Variants in DEFB112 observed in about 807,000 individuals in gnomAD.
DEFB112 encodes the protein defensin beta 112.
Under a neutral mutation model 1.1 loss-of-function variants are expected in DEFB112, and 2 were observed. That is an observed-to-expected ratio of 1.85 (90% confidence interval 0.76 to 5.83). The LOEUF is 5.83. Among genes scored for constraint, DEFB112 ranks in the 30% most tolerant of loss-of-function variants. The probability of loss-of-function intolerance (pLI) is 0.05; values close to 1 mark genes in which losing one functional copy is unlikely to be tolerated. For synonymous variants in DEFB112, 40 were observed against 31.2 expected, an observed-to-expected ratio of 1.28 and a Z score of -0.93; for missense variants, 120 against 94.4, an observed-to-expected ratio of 1.27 and a Z score of -1.12.
At chr6:50,048,536 C>A (rs1412574225) in intron 1 of DEFB112, 1 of 1,609,530 alleles carries the variant, frequency 6.2e-7, no homozygotes, top group South Asian at 1.1e-5. Context: ...TTTTGTTTTA[C>A]CTGTGCTGAT....
rs148121698 is a variant in DEFB112, at chr6:50,043,718, C to T, written c.142G>A (p.Asp48Asn). ...CAGTATGAAATCCTAAATTCACTAT[C>T]ATCACATTGATTTTTACATCGACCT... The part of the protein sequence containing the change: ...IGGRCKNQCD[D>N]SEFRISYCAR... Residue 48 changes from aspartate to asparagine, a missense_variant, in exon 2 of 2, where the codon GAT becomes AAT. Transcript: ENST00000651554. The T allele has an allele frequency of 1.2e-6, 2 of 1,613,348 alleles. No homozygotes were observed. Among genetic ancestry groups the T allele is most frequent in the African/African-American group, 2.7e-5 (2 of 74,878 alleles).
chr6:50,044,607 T>C (rs1037035948), intron 1 of DEFB112, among the ~76,000 whole-genome samples: 3 of 152,250 alleles, frequency 2.0e-5, no homozygotes, highest in South Asian at 2.1e-4. Flanking sequence ...GTTGCAGATA[T>C]TCATTTATTC....
rs1400239751 is a variant in DEFB112, at chr6:50,047,869, G to C, written c.58+1943C>G. Among the ~76,000 whole-genome samples, 3 of 152,144 alleles carry C rather than the reference G, an allele frequency of 2.0e-5. No homozygotes were observed. In the East Asian group the frequency reaches 5.8e-4, roughly 29 times the overall value. On this transcript the variant is annotated intron_variant, in intron 1 of 1. Coordinates refer to ENST00000651554, the MANE Select transcript of DEFB112 (RefSeq NM_001369057.2). ...GATAAAAATAGTTTTGCCTTGGCCA[G>C]GCGTGGTGGCTCACACCTGTAATCC...
At position 50,049,799 on chromosome 6, in the gene DEFB112, A is replaced by C. The variant is rs541522912; in HGVS notation, c.58+13T>G. Among the ~76,000 whole-genome samples, 30 of 152,178 alleles carry C rather than the reference A, an allele frequency of 2.0e-4. No homozygotes were observed. In the East Asian group the frequency reaches 5.6e-3, roughly 28 times the overall value. Reference sequence around the variant, plus strand: ...TGGCCCCTTGACCCCTCTAGCAATAATATTCATATTACCTGGTGGAATAAG... The same window carrying C: ...TGGCCCCTTGACCCCTCTAGCAATACTATTCATATTACCTGGTGGAATAAG... On this transcript the variant is annotated intron_variant, in intron 1 of 1. Coordinates refer to ENST00000651554, the MANE Select transcript of DEFB112 (RefSeq NM_001369057.2).
rs1774773586 is a variant in DEFB112, at chr6:50,043,179, C to T, written c.*396G>A. Among the ~76,000 whole-genome samples, 1 of 151,990 alleles carries T rather than the reference C, an allele frequency of 6.6e-6. No homozygotes were observed. Among genetic ancestry groups the T allele is most frequent in the African/African-American group, 2.4e-5 (1 of 41,420 alleles). On this transcript the variant is annotated 3_prime_UTR_variant, in exon 2 of 2. Coordinates refer to ENST00000651554, the MANE Select transcript of DEFB112 (RefSeq NM_001369057.2). ...TCATAATCCTTCAAATTTCTTGCAA[C>T]GATTTTTACTAGTTCAGGGGTCACA...
chr6:50,043,578 A>G lies in DEFB112; in HGVS notation c.282T>C (p.His94=), dbSNP rs201755220. Residue 94 remains histidine (H), a synonymous_variant, in exon 2 of 2, where the codon CAT becomes CAC. Transcript: ENST00000651554. ...ATCTTCTTGTGCATGGATTTCTTCA[A>G]TGACGTGAGTCTTTAGGGTACCATT... ...TQEWYPKDSR[H] The G allele has an allele frequency of 1.9e-6, 3 of 1,611,662 alleles. No individual in the cohort carries two copies. Among genetic ancestry groups the G allele is most frequent in the African/African-American group, 1.3e-5 (1 of 74,958 alleles).
rs1247287387 is a variant in DEFB112, at chr6:50,043,794, A to G, written c.66T>C (p.Ser22=). ...FFGVLIPPAR[S]EGHHITFSRW... ...TACTAAAGGTGATATGGTGCCCTTC[A>G]CTTCTGGCTGAAAGAAGGCAAGAAC... The change falls in exon 2 of 2, where the codon AGT becomes AGC. Residue 22 remains serine, a synonymous_variant. Transcript: ENST00000651554. The G allele has an allele frequency of 6.2e-7, 1 of 1,613,182 alleles. No individual in the cohort carries two copies. The highest frequency in any genetic ancestry group is 8.5e-7 in the Non-Finnish European group (1 of 1,179,368).
In DEFB112 at chr6:50,042,620, T is replaced by A. The variant is rs1021838121; in HGVS notation, c.*955A>T. Among the ~76,000 whole-genome samples, 1 of 151,962 alleles carries A rather than the reference T, an allele frequency of 6.6e-6. No homozygotes were observed. Among genetic ancestry groups the A allele is most frequent in the African/African-American group, 2.4e-5 (1 of 41,404 alleles). On this transcript the variant is annotated 3_prime_UTR_variant, in exon 2 of 2. Coordinates refer to ENST00000651554, the MANE Select transcript of DEFB112 (RefSeq NM_001369057.2). Reference sequence around the variant, plus strand: ...CAAGCCCTGCAAAACCATCACCTATTTTTAGAGTTGATATTTCAAAATGTT... The same window carrying A: ...CAAGCCCTGCAAAACCATCACCTATATTTAGAGTTGATATTTCAAAATGTT...
intron 1 of DEFB112, chr6:50,048,615 C>A (rs1043337458): frequency 6.2e-7 from 1 of 1,613,418 alleles, no homozygotes; most frequent in Non-Finnish European, 8.5e-7. Flanking sequence ...TACATTTTTT[C>A]AAGTTTCAGT....
intron 1 of DEFB112, among the ~76,000 whole-genome samples, chr6:50,046,071 C>T (rs935747936): frequency 1.3e-5 from 2 of 152,008 alleles, no homozygotes; most frequent in Non-Finnish European, 2.9e-5. Context: ...CAATTGTAGG[C>T]TAATGTAAGT....
intron 1 of DEFB112, among the ~76,000 whole-genome samples, chr6:50,044,314 TA>T (rs148732768): frequency 2.6e-5 from 4 of 152,028 alleles, no homozygotes; most frequent in African/African-American, 7.2e-5. Context: ...GAAGTTTTGC[TA>T]AAAAAATAGA....
chr6:50,043,510 A>T lies in DEFB112; in HGVS notation c.*65T>A. ...GCATGCATGGAAATTATAGGTCATTAATGAAGTGATGAAATAATGAGAGGA... is the reference window on the plus strand; with the variant it reads ...GCATGCATGGAAATTATAGGTCATTTATGAAGTGATGAAATAATGAGAGGA... On this transcript the variant is annotated 3_prime_UTR_variant, in exon 2 of 2. Transcript: ENST00000651554. The T allele has an allele frequency of 8.1e-7, 1 of 1,238,622 alleles. No individual in the cohort carries two copies. The highest frequency in any genetic ancestry group is 1.2e-6 in the Non-Finnish European group (1 of 853,916). The allele number at this position is 1,238,622 out of a possible 1,614,324, so 76.7% of individuals were successfully genotyped here.
At chr6:50,048,450 G>A (rs1308068662) in intron 1 of DEFB112, 1 of 1,107,774 alleles carries the variant, frequency 9.0e-7, no homozygotes, top group Non-Finnish European at 1.4e-6. Flanking sequence ...GACTGAGGTA[G>A]AGAATATACT....
chr6:50,045,122 A>G (rs1774810790), intron 1 of DEFB112, among the ~76,000 whole-genome samples: 1 of 152,036 alleles, frequency 6.6e-6, no homozygotes, highest in African/African-American at 2.4e-5. Flanking sequence ...AGTAATAGTA[A>G]TATGAATAAT....
chr6:50,049,594 T>C lies in DEFB112; in HGVS notation c.58+218A>G, dbSNP rs555942792. Among the ~76,000 whole-genome samples the C allele has an allele frequency of 7.2e-5, 11 of 152,298 alleles. 1 individual carries two copies. The South Asian group carries it at 2.3e-3, about 32-fold the overall frequency. On this transcript the variant is annotated intron_variant, in intron 1 of 1. Coordinates refer to ENST00000651554, the MANE Select transcript of DEFB112 (RefSeq NM_001369057.2). ...TTACATATATGCATATATATGAATG[T>C]ATATTTTCATGTAATTAAGGTGAAT...
Position 50,042,682 on chromosome 6 carries a change from T to TAAGACCA in DEFB112, c.*886_*892dup, listed in dbSNP as rs1774764183. Among the ~76,000 whole-genome samples the TAAGACCA allele has an allele frequency of 6.6e-6, 1 of 152,010 alleles. No individual in the cohort carries two copies. Among genetic ancestry groups the TAAGACCA allele is most frequent in the Non-Finnish European group, 1.5e-5 (1 of 67,932 alleles). On this transcript the variant is annotated 3_prime_UTR_variant, in exon 2 of 2. Transcript: ENST00000651554. ...AAAATCTTTAATCTAGGTGAGGTAT[T>TAAGACCA]AAGACCAACTGCTGACCCTTTCCCT...
At chr6:50,047,924 T>C (rs1351355698) in intron 1 of DEFB112, among the ~76,000 whole-genome samples, 1 of 152,094 alleles carries the variant, frequency 6.6e-6, no homozygotes, top group Non-Finnish European at 1.5e-5. Flanking sequence ...GGCAGGTAGA[T>C]CACCTCAGGT....
At chr6:50,045,335 G>C (rs1300846231) in intron 1 of DEFB112, among the ~76,000 whole-genome samples, 9 of 151,928 alleles carry the variant, frequency 5.9e-5, no homozygotes, top group Admixed American at 5.9e-4. Context: ...CCTACATCAA[G>C]AAACAAGATA....
chr6:50,043,907 A>C, intron 1 of DEFB112, 106 bp from the exon 2 acceptor site: 1 of 967,070 alleles, frequency 1.0e-6, no homozygotes, highest in Non-Finnish European at 1.6e-6. Flanking sequence ...AAATAAAGGA[A>C]ATGGATATTT....
Sources: gnomAD v4.1 joint callset for allele counts (sites outside exome capture counted in the v4.1 genomes callset) on GRCh38, gnomAD v4.1.1 for gene constraint, MANE v1.5 for transcripts, NCBI Gene and HGNC (gene_info 2026-07-23, HGNC 2026-07-21) for gene names.